The following GPR176 variants were observed in gnomAD, a reference collection of about 807,000 sequenced individuals.
GPR176 encodes the protein G-protein coupled receptor 176.
GPR176 carries 26 observed loss-of-function variants against 35.4 expected under a neutral mutation model. The observed-to-expected ratio is 0.74, with a 90% CI of 0.54 to 1.02. The LOEUF (loss-of-function observed/expected upper bound fraction) is 1.02, where lower values mean the gene tolerates loss of function less well. Ranked by LOEUF, GPR176 falls within the 50% of genes least tolerant of loss-of-function variation. GPR176 has a pLI of 0.00. For synonymous variants in GPR176, 278 were observed against 271.3 expected, an observed-to-expected ratio of 1.02 and a Z score of -0.24; for missense variants, 597 against 665.3, an observed-to-expected ratio of 0.90 and a Z score of 1.13.
At chr15:39,803,468 C>T (rs367775400) in intron 2 of GPR176, among the ~76,000 whole-genome samples, 1 of 151,594 alleles carries the variant, frequency 6.6e-6, no homozygotes, top group Non-Finnish European at 1.5e-5. Flanking sequence ...TTAGTAGAGA[C>T]GGAGTTTCGC....
At chr15:39,882,256 G>A (rs955737557) in intron 1 of GPR176, among the ~76,000 whole-genome samples, 6 of 152,174 alleles carry the variant, frequency 3.9e-5, no homozygotes, top group Admixed American at 2.0e-4. Flanking sequence ...ATTGGACTAT[G>A]CAAGTATTGG....
chr15:39,811,716 A>G (rs1016816087), intron 1 of GPR176, among the ~76,000 whole-genome samples: 3 of 152,104 alleles, frequency 2.0e-5, no homozygotes, highest in Admixed American at 6.6e-5. Context: ...GGAGATCAAG[A>G]CCATCCTGGC....
At chr15:39,901,768 T>C (rs996876868) in intron 1 of GPR176, among the ~76,000 whole-genome samples, 2 of 152,052 alleles carry the variant, frequency 1.3e-5, no homozygotes, top group African/African-American at 4.8e-5. Flanking sequence ...TCACCTAGCA[T>C]GTTCATTAAA....
At chr15:39,878,096 CTGTG>C (rs58251937) in intron 1 of GPR176, among the ~76,000 whole-genome samples, 4,998 of 130,002 alleles carry the variant, frequency 0.038, 119 homozygotes, top group Middle Eastern at 0.12. Flanking sequence ...CCATAGTTAC[CTGTG>C]TGTGTGTGTG....
chr15:39,861,561 T>A (rs8037616), intron 1 of GPR176, among the ~76,000 whole-genome samples: 57,591 of 150,650 alleles, frequency 0.38, 11,348 homozygotes, highest in African/African-American at 0.44. Flanking sequence ...AAAAAAAAAA[T>A]CCTATATTTT....
At chr15:39,841,331 C>T (rs2029963036) in intron 1 of GPR176, among the ~76,000 whole-genome samples, 1 of 151,744 alleles carries the variant, frequency 6.6e-6, no homozygotes, top group South Asian at 2.1e-4. Flanking sequence ...CCCACCCCAC[C>T]CCACCCCAAA....
At chr15:39,807,396 A>G (rs1267784063) in intron 1 of GPR176, 138 bp from the exon 2 acceptor site, 3 of 717,322 alleles carry the variant, frequency 4.2e-6, no homozygotes, top group Admixed American at 3.6e-5. Flanking sequence ...TCCTAATATT[A>G]AAATTTAACA....
At chr15:39,820,359 A>G (rs1566940077) in intron 1 of GPR176, among the ~76,000 whole-genome samples, 1 of 152,234 alleles carries the variant, frequency 6.6e-6, no homozygotes, top group Non-Finnish European at 1.5e-5. Flanking sequence ...CTGACCTGAA[A>G]GGATGAGTTA....
chr15:39,897,163 T>C (rs1222627276), intron 1 of GPR176, among the ~76,000 whole-genome samples: 1 of 152,154 alleles, frequency 6.6e-6, no homozygotes, highest in Admixed American at 6.5e-5. Context: ...AAATAACTCA[T>C]CAACAGTTCC....
intron 1 of GPR176, among the ~76,000 whole-genome samples, chr15:39,906,467 T>C (rs929141938): frequency 1.3e-5 from 2 of 152,178 alleles, no homozygotes; most frequent in South Asian, 2.1e-4. Flanking sequence ...CACTCTTCCA[T>C]AGGAAGGGTC....
intron 1 of GPR176, among the ~76,000 whole-genome samples, chr15:39,869,289 C>A (rs1199374280): frequency 6.6e-6 from 1 of 151,822 alleles, no homozygotes; most frequent in African/African-American, 2.4e-5. Context: ...TAAAAAATAC[C>A]CTATATCTTT....
At chr15:39,891,123 T>C (rs1467990428) in intron 1 of GPR176, among the ~76,000 whole-genome samples, 1 of 152,212 alleles carries the variant, frequency 6.6e-6, no homozygotes, top group East Asian at 1.9e-4. Context: ...ATACCACTGA[T>C]AAGAAATTAT....
intron 1 of GPR176, among the ~76,000 whole-genome samples, chr15:39,917,412 T>C (rs550060549): frequency 3.3e-5 from 5 of 149,602 alleles, no homozygotes; most frequent in African/African-American, 1.2e-4. Context: ...CCCAGCTCAC[T>C]GCAACCTAAG....
Position 39,809,328 on chromosome 15 carries a change from G to A in GPR176, c.173-2070C>T, listed in dbSNP as rs573866074. ...AACCTGAATTGGATGAACATGTCAG[G>A]ATACAAGCACCCATACCCAATACCC... On this transcript the variant is annotated intron_variant, in intron 1 of 2. Coordinates refer to ENST00000561100, the MANE Select transcript of GPR176 (RefSeq NM_007223.3). Among the ~76,000 whole-genome samples, 6 of 152,126 alleles carry A rather than the reference G, an allele frequency of 3.9e-5. No homozygotes were observed. The South Asian group carries it at 1.2e-3, about 32-fold the overall frequency.
chr15:39,811,789 G>A (rs890956586), intron 1 of GPR176, among the ~76,000 whole-genome samples: 2 of 152,128 alleles, frequency 1.3e-5, no homozygotes, highest in African/African-American at 4.8e-5. Context: ...AGTAGTGGGT[G>A]CCTGTAGTCC....
At chr15:39,875,724 G>C (rs1231326006) in intron 1 of GPR176, among the ~76,000 whole-genome samples, 1 of 152,068 alleles carries the variant, frequency 6.6e-6, no homozygotes, top group Non-Finnish European at 1.5e-5. Flanking sequence ...GTTGAGAAAA[G>C]TGAATAACAT....
intron 1 of GPR176, among the ~76,000 whole-genome samples, chr15:39,876,644 A>G (rs187860574): frequency 2.6e-4 from 40 of 152,168 alleles, no homozygotes; most frequent in Middle Eastern, 6.8e-3. Context: ...CTGGTAGTAA[A>G]TTTTCACAGT....
intron 1 of GPR176, among the ~76,000 whole-genome samples, chr15:39,893,368 C>T (rs1185798439): frequency 6.6e-6 from 1 of 151,946 alleles, no homozygotes; most frequent in African/African-American, 2.4e-5. Flanking sequence ...GCCCTTAATC[C>T]ATTTAACCCT....
At chr15:39,900,511 G>A (rs567493679) in intron 1 of GPR176, among the ~76,000 whole-genome samples, 2 of 152,310 alleles carry the variant, frequency 1.3e-5, no homozygotes, top group East Asian at 3.9e-4. Flanking sequence ...CAGACCAAAT[G>A]GAAGTACAGT....
Sources: gnomAD v4.1 joint callset for allele counts (sites outside exome capture counted in the v4.1 genomes callset) on GRCh38, gnomAD v4.1.1 for gene constraint, MANE v1.5 for transcripts, NCBI Gene and HGNC (gene_info 2026-07-23, HGNC 2026-07-21) for gene names.